The following EXOC4 variants were observed in gnomAD, a reference collection of about 807,000 sequenced individuals.
EXOC4 encodes SEC8-like 1.
EXOC4 carries 71 observed loss-of-function variants against 107.2 expected under a neutral mutation model. The observed-to-expected ratio is 0.66, with a 90% CI of 0.55 to 0.81. EXOC4 has a LOEUF of 0.81. Among genes scored for constraint, EXOC4 ranks in the 30% least tolerant of loss-of-function variants. The pLI is 0.00. For synonymous variants in EXOC4, 456 were observed against 441.2 expected, an observed-to-expected ratio of 1.03 and a Z score of -0.42; for missense variants, 1,108 against 1,189.6, an observed-to-expected ratio of 0.93 and a Z score of 1.01.
In EXOC4 at chr7:133,542,470, G is replaced by T. The variant is rs144906614; in HGVS notation, c.1417+62332G>T. Among the ~76,000 whole-genome samples the T allele has an allele frequency of 5.3e-4, 80 of 152,174 alleles. 1 individual carries two copies. The East Asian group carries it at 0.015, about 29-fold the overall frequency. On this transcript the variant is annotated intron_variant, in intron 9 of 17. Coordinates refer to ENST00000253861, the MANE Select transcript of EXOC4 (RefSeq NM_021807.4). ...TTATGACCTATAGTGAAACAAGATT[G>T]GTCAGATAAGTTACTTTTGGCCAGT... is the stretch of plus-strand genomic sequence containing the variant.
At chr7:133,423,432 A>G (rs1236434548) in intron 7 of EXOC4, among the ~76,000 whole-genome samples, 3 of 151,982 alleles carry the variant, frequency 2.0e-5, no homozygotes, top group East Asian at 1.9e-4. Context: ...ACGCCATAGC[A>G]CTCTCTATCT....
At chr7:133,975,523 A>G (rs1245971859) in intron 14 of EXOC4, among the ~76,000 whole-genome samples, 1 of 152,182 alleles carries the variant, frequency 6.6e-6, no homozygotes, top group Non-Finnish European at 1.5e-5. Flanking sequence ...GAAAGTAAAC[A>G]CTAGGCATAG....
At chr7:133,421,378 A>G (rs1194732868) in intron 7 of EXOC4, among the ~76,000 whole-genome samples, 1 of 152,178 alleles carries the variant, frequency 6.6e-6, no homozygotes, top group South Asian at 2.1e-4. Context: ...CATCTTGGGA[A>G]TTTGGATTTG....
At chr7:133,813,376 C>T (rs1179412707) in intron 10 of EXOC4, among the ~76,000 whole-genome samples, 1 of 152,136 alleles carries the variant, frequency 6.6e-6, no homozygotes, top group East Asian at 1.9e-4. Context: ...ACTCAGAAAA[C>T]TCTTTTCCAA....
At chr7:133,949,471 A>G (rs892359850) in intron 14 of EXOC4, among the ~76,000 whole-genome samples, 4 of 152,218 alleles carry the variant, frequency 2.6e-5, no homozygotes, top group African/African-American at 7.2e-5. Context: ...AAGTGTCTTT[A>G]TAGAAGCCAA....
intron 11 of EXOC4, among the ~76,000 whole-genome samples, chr7:133,857,162 A>ATGTG (rs1798404007): frequency 9.6e-5 from 1 of 10,372 alleles, no homozygotes; most frequent in African/African-American, 5.0e-4. Flanking sequence ...ATATATATAT[A>ATGTG]TATATATATA....
At chr7:133,331,292 G>A (rs1795381374) in intron 5 of EXOC4, among the ~76,000 whole-genome samples, 1 of 151,836 alleles carries the variant, frequency 6.6e-6, no homozygotes, top group Non-Finnish European at 1.5e-5. Context: ...TTTATCTGAT[G>A]GAGATTAAGT....
intron 9 of EXOC4, among the ~76,000 whole-genome samples, chr7:133,595,587 A>G (rs1801649284): frequency 6.6e-6 from 1 of 152,210 alleles, no homozygotes; most frequent in South Asian, 2.1e-4. Flanking sequence ...CTTTATGTGC[A>G]TGATCTCATT....
chr7:133,569,286 G>A (rs1054777650), intron 9 of EXOC4, among the ~76,000 whole-genome samples: 1 of 152,102 alleles, frequency 6.6e-6, no homozygotes, highest in African/African-American at 2.4e-5. Flanking sequence ...ACTTTGTACA[G>A]CCAATAAAAG....
intron 5 of EXOC4, among the ~76,000 whole-genome samples, chr7:133,336,444 T>C (rs550808465): frequency 6.6e-6 from 1 of 152,272 alleles, no homozygotes; most frequent in African/African-American, 2.4e-5. Context: ...GTAGTACCAG[T>C]CTGCATTCCC....
In EXOC4 at chr7:133,373,947, A is replaced by C. The variant is rs1254097878; in HGVS notation, c.1008-881A>C. On this transcript the variant is annotated intron_variant, in intron 6 of 17. Transcript: ENST00000253861. ...TTATTGAGCAGCATATGTGAGGCTC[A>C]TGTGATAAGTTCCTTAAAAGCAGAC... Among the ~76,000 whole-genome samples the C allele has an allele frequency of 2.6e-5, 4 of 152,224 alleles. 1 individual carries two copies. Among genetic ancestry groups the C allele is most frequent in the African/African-American group, 9.6e-5 (4 of 41,466 alleles).
Position 133,817,691 on chromosome 7 carries a change from T to C in EXOC4, c.1734+147T>C, listed in dbSNP as rs1409720199. The stretch of plus-strand genomic sequence containing the variant: ...AAAATAAATAGGCACTAGGGAAATT[T>C]AGATTTAATGTAGTTGGATAATGGA... On this transcript the variant is annotated intron_variant, in intron 11 of 17. Coordinates refer to ENST00000253861, the MANE Select transcript of EXOC4 (RefSeq NM_021807.4). The C allele has an allele frequency of 4.9e-6, 3 of 612,684 alleles. No homozygotes were observed. In the African/African-American group the frequency reaches 5.6e-5, roughly 11 times the overall value. 38.0% of individuals were successfully genotyped at this position (612,684 alleles called of 1,614,324 possible). A position where few individuals can be genotyped will look rare whatever the true frequency, so the allele number is the denominator to read the frequency against.
At chr7:133,694,151 C>T (rs755081582) in intron 10 of EXOC4, among the ~76,000 whole-genome samples, 3 of 151,436 alleles carry the variant, frequency 2.0e-5, no homozygotes, top group Non-Finnish European at 4.4e-5. Flanking sequence ...GTCCCAGCTA[C>T]TTGGGAGGCT....
the EXOC4 span, among the ~76,000 whole-genome samples, chr7:134,075,830 G>A: frequency 6.6e-6 from 1 of 152,204 alleles, no homozygotes; most frequent in African/African-American, 2.4e-5. Context: ...TGCCCCCTCT[G>A]TCACAATGGC....
intron 17 of EXOC4, among the ~76,000 whole-genome samples, chr7:134,034,073 C>G (rs1356082419): frequency 7.0e-6 from 1 of 143,200 alleles, no homozygotes; most frequent in Non-Finnish European, 1.5e-5. Context: ...AACGTCGTGT[C>G]TAAAAGAGAC....
intron 10 of EXOC4, among the ~76,000 whole-genome samples, chr7:133,676,101 G>T (rs924951199): frequency 6.6e-6 from 1 of 151,910 alleles, no homozygotes; most frequent in East Asian, 1.9e-4. Context: ...AATTCGTGGC[G>T]TGAGAATTGC....
rs147830881 is a variant in EXOC4 at position 133,339,958 on chromosome 7, C to A, written c.764-16372C>A. On this transcript the variant is annotated intron_variant, in intron 5 of 17. Coordinates refer to ENST00000253861, the MANE Select transcript of EXOC4 (RefSeq NM_021807.4). ...GTGATCATCATATCATTGGTGAACA[C>A]GGACAGTTTCACTTCCTCTTTACTA... 1.6e-4 allele frequency among the ~76,000 whole-genome samples: 25 copies of A among 152,218 alleles called. No individual in the cohort carries two copies. In the East Asian group the frequency reaches 4.2e-3, roughly 26 times the overall value.
intron 9 of EXOC4, chr7:133,484,272 C>G (rs1799224318): frequency 8.5e-7 from 1 of 1,180,150 alleles, no homozygotes; most frequent in East Asian, 2.9e-5. Context: ...ATTATATAGT[C>G]TGCTGTTGGC....
rs1033879009 is a variant in EXOC4 at position 133,454,544 on chromosome 7, T to C, written c.1183-20784T>C. 3.9e-5 allele frequency among the ~76,000 whole-genome samples: 6 copies of C among 152,160 alleles called. No individual in the cohort carries two copies. In the South Asian group the frequency reaches 1.2e-3, roughly 32 times the overall value. ...ACTCCTGGCCTCAAGTGATCTGCCC[T>C]CCTTGGCTTCCCAAAGTGCTGGGAT... On this transcript the variant is annotated intron_variant, in intron 7 of 17. Transcript: ENST00000253861.
Sources: gnomAD v4.1 joint callset for allele counts (sites outside exome capture counted in the v4.1 genomes callset) on GRCh38, gnomAD v4.1.1 for gene constraint, MANE v1.5 for transcripts, NCBI Gene and HGNC (gene_info 2026-07-23, HGNC 2026-07-21) for gene names.